Variants in SLC12A3 observed in about 807,000 individuals in gnomAD.
The protein encoded by SLC12A3 is solute carrier family 12 member 3, also known as Na-Cl cotransporter.
SLC12A3 carries 104 observed loss-of-function variants against 121.0 expected under a neutral mutation model. That is an observed-to-expected ratio of 0.86 (90% CI 0.73 to 1.01). The LOEUF (loss-of-function observed/expected upper bound fraction) is 1.01. Among genes scored for constraint, SLC12A3 ranks in the 50% least tolerant of loss-of-function variants. The pLI is 0.00. For missense variants in SLC12A3, 1,328 were observed against 1,356.3 expected, an observed-to-expected ratio of 0.98 and a Z score of 0.33; for synonymous variants, 536 against 533.4, an observed-to-expected ratio of 1.00 and a Z score of -0.07.
At chr16:56,889,928 G>T (rs1411441468) in intron 18 of SLC12A3, among the ~76,000 whole-genome samples, 1 of 152,192 alleles carries the variant, frequency 6.6e-6, no homozygotes. Flanking sequence ...CCAAAACTCA[G>T]TTTTTGCATC....
chr16:56,895,103 C>T (rs1204778122), intron 22 of SLC12A3, among the ~76,000 whole-genome samples: 1 of 151,048 alleles, frequency 6.6e-6, no homozygotes, highest in African/African-American at 2.4e-5. Context: ...TGGGCCAAGG[C>T]AGCTGGATCC....
chr16:56,906,963 G>A (rs752265387), intron 25 of SLC12A3: 37 of 310,620 alleles, frequency 1.2e-4, no homozygotes, highest in African/African-American at 5.8e-4. Context: ...GTAAAGGGGC[G>A]GCAGTGTGTT....
At chr16:56,871,159 C>T (rs143933554) in intron 6 of SLC12A3, among the ~76,000 whole-genome samples, 3 of 152,300 alleles carry the variant, frequency 2.0e-5, no homozygotes, top group South Asian at 2.1e-4. Context: ...GTGTGACAAC[C>T]TAGGTCCACA....
intron 8 of SLC12A3, among the ~76,000 whole-genome samples, chr16:56,877,405 A>G (rs1339758065): frequency 6.6e-6 from 1 of 152,162 alleles, no homozygotes. Flanking sequence ...CAAAAAAAAA[A>G]TAAAATAAAA....
At chr16:56,881,040 C>T (rs1459070949) in intron 12 of SLC12A3, among the ~76,000 whole-genome samples, 1 of 152,214 alleles carries the variant, frequency 6.6e-6, no homozygotes, top group Middle Eastern at 3.2e-3. Flanking sequence ...GCCATGGAGG[C>T]AGAACTCGCG....
intron 24 of SLC12A3, among the ~76,000 whole-genome samples, chr16:56,903,613 C>T (rs2055568213): frequency 7.1e-6 from 1 of 141,532 alleles, no homozygotes; most frequent in South Asian, 2.3e-4. Context: ...GTCCAGAATC[C>T]CTTACCCACG....
chr16:56,894,662 C>A lies in SLC12A3; in HGVS notation c.2633+20C>A. 6.4e-7 allele frequency: 1 copy of A among 1,572,268 alleles called. No individual in the cohort carries two copies. The highest frequency in any genetic ancestry group is 8.8e-7 in the Non-Finnish European group (1 of 1,142,440). ...AAAGGCGTAAGTGTGGAGGGCTGGC[C>A]TGGGGGTGACTGCAGGGACCAGTGT... On this transcript the variant is annotated intron_variant, in intron 22 of 25. Transcript: ENST00000563236.
intron 13 of SLC12A3, among the ~76,000 whole-genome samples, chr16:56,883,418 T>C (rs1244204960): frequency 6.6e-6 from 1 of 151,580 alleles, no homozygotes; most frequent in Admixed American, 6.6e-5. Flanking sequence ...GTAGCTGGGA[T>C]TACAGGCGCC....
intron 14 of SLC12A3, 71 bp from the exon 15 acceptor site, chr16:56,885,194 C>A: frequency 1.0e-6 from 1 of 967,198 alleles, no homozygotes; most frequent in South Asian, 1.4e-5. Context: ...ACCTCTGTCC[C>A]TCCACGTGTC....
chr16:56,884,038 C>T lies in SLC12A3; in HGVS notation c.1670-11C>T. On this transcript the variant is annotated splice_polypyrimidine_tract_variant and intron_variant, in intron 13 of 25. Coordinates refer to ENST00000563236, the MANE Select transcript of SLC12A3 (RefSeq NM_001126108.2). ...GCCAGGCATGCCCACTGACTGGTGC[C>T]CTTGGCCCAGGGTGGAGACCTTCAT... The T allele has an allele frequency of 1.9e-6, 3 of 1,614,130 alleles. No individual in the cohort carries two copies. Among genetic ancestry groups the T allele is most frequent in the Non-Finnish European group, 2.5e-6 (3 of 1,179,994 alleles).
At chr16:56,906,966 A>T in intron 25 of SLC12A3, 1 of 307,794 alleles carries the variant, frequency 3.2e-6, no homozygotes, top group South Asian at 4.8e-5. Flanking sequence ...AAGGGGCGGC[A>T]GTGTGTTATC....
At chr16:56,904,599 C>T (rs2055582871) in intron 25 of SLC12A3, 137 bp downstream of exon 25, 3 of 822,790 alleles carry the variant, frequency 3.6e-6, no homozygotes, top group Non-Finnish European at 6.1e-6. Context: ...TTCCCATAAA[C>T]ATAGCCCTGG....
At position 56,908,132 on chromosome 16, in the gene SLC12A3, T is replaced by C. The variant is rs538691419; in HGVS notation, c.2924+3670T>C. Among the ~76,000 whole-genome samples the C allele has an allele frequency of 2.5e-4, 37 of 150,736 alleles. 1 individual carries two copies. The highest frequency in any genetic ancestry group is 9.0e-4 in the African/African-American group (37 of 40,898). ...TGCTTTTTTTTTTTTTAAAGAATGA[T>C]TGTATTCATTTCTCAGATAGTGATA... On this transcript the variant is annotated intron_variant, in intron 25 of 25. Transcript: ENST00000563236.
intron 25 of SLC12A3, chr16:56,904,704 C>T (rs1245644986): frequency 4.0e-6 from 2 of 504,004 alleles, no homozygotes; most frequent in African/African-American, 2.0e-5. Context: ...CATCAGTGAC[C>T]TCCCCTTGCC....
intron 20 of SLC12A3, 24 bp downstream of exon 20, chr16:56,892,157 G>C: frequency 1.9e-6 from 3 of 1,611,790 alleles, no homozygotes; most frequent in Non-Finnish European, 1.7e-6. Context: ...AGTCTCTGGC[G>C]CTTGTCAGTG....
chr16:56,886,430 C>T lies in SLC12A3; in HGVS notation c.1992C>T (p.Thr664=). 6.2e-7 allele frequency: 1 copy of T among 1,614,118 alleles called. No individual in the cohort carries two copies. Among genetic ancestry groups the T allele is most frequent in the Non-Finnish European group, 8.5e-7 (1 of 1,180,032 alleles). ...FRPALVDFVG[T]FTRNLSLMIC... The stretch of plus-strand genomic sequence containing the variant: ...CGGCCCTGGTGGACTTTGTGGGCAC[C>T]TTCACCCGGAACCTCAGCCTGATGA... The change falls in exon 16 of 26, where the codon ACC becomes ACT. Residue 664 remains threonine (T), a synonymous_variant. Coordinates refer to ENST00000563236, the MANE Select transcript of SLC12A3 (RefSeq NM_001126108.2).
chr16:56,892,109 G>A lies in SLC12A3; in HGVS notation c.2395G>A (p.Asp799Asn). 1 of 1,613,950 alleles carries A rather than the reference G, an allele frequency of 6.2e-7. No individual in the cohort carries two copies. Among genetic ancestry groups the A allele is most frequent in the Non-Finnish European group, 8.5e-7 (1 of 1,179,856 alleles). ...TAACCCCGTGTTTGACCCAGCGGAG[G>A]ACGGGAAGGAAGCCAGCGCCAGAGG... ...HINPVFDPAE[D>N]GKEASARVDP... Residue 799 changes from aspartate to asparagine, a missense_variant, in exon 20 of 26, where the codon GAC (aspartate) becomes AAC (asparagine). Transcript: ENST00000563236.
At chr16:56,906,906 T>A in intron 25 of SLC12A3, 1 of 501,928 alleles carries the variant, frequency 2.0e-6, no homozygotes, top group South Asian at 1.9e-5. Context: ...AAAGGCCACG[T>A]TGGTGCTGGC....
At position 56,878,184 on chromosome 16, in the gene SLC12A3, C is replaced by T. The variant is rs747510055; in HGVS notation, c.1180+23C>T. 3.8e-6 allele frequency: 6 copies of T among 1,576,988 alleles called. No individual in the cohort carries two copies. In the African/African-American group the frequency reaches 6.7e-5, roughly 18 times the overall value. ...TTGGTAAGTGGCCGGCCCAGCCAGT[C>T]AGGAGGGGGAGGGACCTGGCCTCCA... On this transcript the variant is annotated intron_variant, in intron 9 of 25. Coordinates refer to ENST00000563236, the MANE Select transcript of SLC12A3 (RefSeq NM_001126108.2).
Sources: allele counts gnomAD v4.1 joint callset (sites outside exome capture counted in the v4.1 genomes callset), GRCh38; gene constraint gnomAD v4.1.1; transcripts MANE v1.5; gene names NCBI Gene and HGNC (gene_info 2026-07-23, HGNC 2026-07-21).